Variants in SEMA5A observed in about 807,000 individuals in gnomAD.
SEMA5A encodes the protein semaphorin 5A.
A neutral mutation model predicts 135.5 loss-of-function variants in SEMA5A; 55 were observed. The ratio of observed to expected loss-of-function variants is 0.41; its 90% confidence interval spans 0.33 to 0.51. SEMA5A has a LOEUF of 0.51. Ranked by LOEUF, SEMA5A falls within the 20% of genes least tolerant of loss-of-function variation. The pLI is 0.37. For synonymous variants in SEMA5A, 580 were observed against 546.5 expected (o/e 1.06, Z -0.85); for missense variants, 1,290 against 1,419.9 (o/e 0.91, Z 1.47).
chr5:9,051,990 C>T lies in SEMA5A; in HGVS notation c.2728G>A (p.Ala910Thr). 6.2e-7 allele frequency: 1 copy of T among 1,613,552 alleles called. No individual in the cohort carries two copies. Among genetic ancestry groups the T allele is most frequent in the Non-Finnish European group, 8.5e-7 (1 of 1,179,770 alleles). The change falls in exon 20 of 23, where the codon GCC (alanine) becomes ACC (threonine). Residue 910 changes from alanine to threonine, a missense_variant. Around this residue, in one of 3 missense-constraint regions of SEMA5A, gnomAD observed 1,029 missense variants for 1,086.6 expected, o/e 0.95. Transcript: ENST00000382496. ...SEWSDWSECE[A>T]SGVQVRARQC... ...CGGGCGCGGACTTGGACGCCAGAGGCTTCACACTCAGACCAGTCCGACCAC... is the reference window on the plus strand; with the variant it reads ...CGGGCGCGGACTTGGACGCCAGAGGTTTCACACTCAGACCAGTCCGACCAC...
chr5:9,464,053 G>T (rs1174544112), intron 1 of SEMA5A, among the ~76,000 whole-genome samples: 2 of 152,068 alleles, frequency 1.3e-5, no homozygotes, highest in East Asian at 3.9e-4. Flanking sequence ...TGGGGGAGCT[G>T]GTCTGTGCAT....
chr5:9,137,054 T>C (rs563873637), intron 12 of SEMA5A, among the ~76,000 whole-genome samples: 2 of 152,312 alleles, frequency 1.3e-5, no homozygotes, highest in South Asian at 4.1e-4. Context: ...TATCATAGCA[T>C]GCAGACGCTT....
intron 5 of SEMA5A, among the ~76,000 whole-genome samples, chr5:9,309,673 G>A (rs1365329686): frequency 6.6e-6 from 1 of 152,120 alleles, no homozygotes; most frequent in Non-Finnish European, 1.5e-5. Context: ...GGAGGAATAA[G>A]TCTTCTGCAT....
At chr5:9,187,618 A>G (rs1744879079) in intron 11 of SEMA5A, among the ~76,000 whole-genome samples, 2 of 152,234 alleles carry the variant, frequency 1.3e-5, no homozygotes, top group African/African-American at 4.8e-5. Context: ...TACATATGGC[A>G]TCTTTACCCA....
At position 9,066,536 on chromosome 5, in the gene SEMA5A, T is replaced by C. The variant is rs550944934; in HGVS notation, c.2184A>G (p.Arg728=). ...GGCGGGCTTTGCATGTGTATCGGAA[T>C]CGTTGCTCATAGTGGCCGCCGTTGT... ...ISDNGGHYEQ[R]FRYTCKARLA... The change falls in exon 17 of 23, where the codon CGA becomes CGG. Residue 728 remains arginine, a synonymous_variant. Coordinates refer to ENST00000382496, the MANE Select transcript of SEMA5A (RefSeq NM_003966.3). 7 of 1,614,182 alleles carry C rather than the reference T, an allele frequency of 4.3e-6. No homozygotes were observed. In the East Asian group the frequency reaches 1.3e-4, roughly 31 times the overall value.
intron 2 of SEMA5A, among the ~76,000 whole-genome samples, chr5:9,409,997 A>G (rs964133928): frequency 6.6e-6 from 1 of 151,532 alleles, no homozygotes; most frequent in Non-Finnish European, 1.5e-5. Flanking sequence ...TGTATCTTCT[A>G]TGAAAATACC....
chr5:9,086,587 G>T (rs1202680219), intron 16 of SEMA5A, among the ~76,000 whole-genome samples: 1 of 152,114 alleles, frequency 6.6e-6, no homozygotes, highest in African/African-American at 2.4e-5. Context: ...TCTTTCTTTT[G>T]TAAATTGACC....
At chr5:9,389,187 A>T (rs775741293) in intron 2 of SEMA5A, among the ~76,000 whole-genome samples, 3 of 151,816 alleles carry the variant, frequency 2.0e-5, no homozygotes, top group Non-Finnish European at 2.9e-5. Context: ...TAACTCCCCA[A>T]TCTCTCTGTA....
At chr5:9,222,146 C>A (rs957482190) in intron 8 of SEMA5A, among the ~76,000 whole-genome samples, 16 of 152,224 alleles carry the variant, frequency 1.1e-4, no homozygotes, top group African/African-American at 3.9e-4. Context: ...GGGCATCTGG[C>A]AAAGAACAGA....
intron 1 of SEMA5A, among the ~76,000 whole-genome samples, chr5:9,530,081 G>A (rs1737357250): frequency 6.6e-6 from 1 of 152,218 alleles, no homozygotes; most frequent in South Asian, 2.1e-4. Flanking sequence ...AGGTGTGCGG[G>A]CCGCGTTAGG....
At chr5:9,491,570 A>T (rs1735006995) in intron 1 of SEMA5A, among the ~76,000 whole-genome samples, 1 of 152,180 alleles carries the variant, frequency 6.6e-6, no homozygotes, top group African/African-American at 2.4e-5. Context: ...ACAGTTTATA[A>T]CAGGCAATAA....
intron 2 of SEMA5A, 41 bp from the exon 3 acceptor site, chr5:9,380,064 C>A: frequency 7.4e-7 from 1 of 1,350,132 alleles, no homozygotes; most frequent in South Asian, 1.5e-5. Flanking sequence ...ACTGTGAGTT[C>A]GTTTTCTGGT....
Position 9,317,304 on chromosome 5 carries a change from G to C in SEMA5A, c.270+1068C>G, listed in dbSNP as rs575281555. On this transcript the variant is annotated intron_variant, in intron 5 of 22. Transcript: ENST00000382496. ...TAGAAAATTCTTGATAAATTGCAATGTTTTATCTCTTTTGAACGTCTTACT... is the reference window on the plus strand; with the variant it reads ...TAGAAAATTCTTGATAAATTGCAATCTTTTATCTCTTTTGAACGTCTTACT... 1.9e-4 allele frequency among the ~76,000 whole-genome samples: 29 copies of C among 152,142 alleles called. 1 individual carries two copies. The highest frequency in any genetic ancestry group is 1.8e-3 in the Admixed American group (27 of 15,266).
At chr5:9,540,328 G>A (rs930192419) in intron 1 of SEMA5A, among the ~76,000 whole-genome samples, 19 of 152,054 alleles carry the variant, frequency 1.2e-4, no homozygotes, top group African/African-American at 4.1e-4. Flanking sequence ...GGTGGCTCAC[G>A]CCTGTAATCC....
chr5:9,216,277 A>G (rs763587132), intron 8 of SEMA5A, among the ~76,000 whole-genome samples: 4 of 152,178 alleles, frequency 2.6e-5, no homozygotes, highest in Non-Finnish European at 4.4e-5. Context: ...TTCGATTTCC[A>G]TGTAGTTACA....
chr5:9,302,162 A>T (rs576541274), intron 5 of SEMA5A, among the ~76,000 whole-genome samples: 1 of 152,314 alleles, frequency 6.6e-6, no homozygotes, highest in African/African-American at 2.4e-5. Context: ...AGGCACCCAG[A>T]TAATCCAGAA....
At chr5:9,049,790 T>A (rs1736466451) in intron 21 of SEMA5A, among the ~76,000 whole-genome samples, 1 of 152,228 alleles carries the variant, frequency 6.6e-6, no homozygotes, top group African/African-American at 2.4e-5. Flanking sequence ...TGGGTATATG[T>A]AAGGCACAGA....
intron 1 of SEMA5A, among the ~76,000 whole-genome samples, chr5:9,477,833 A>T (rs1759727440): frequency 6.6e-6 from 1 of 152,210 alleles, no homozygotes; most frequent in Non-Finnish European, 1.5e-5. Context: ...AGTAGAAAAG[A>T]AAAAAACATT....
chr5:9,359,069 C>G, intron 3 of SEMA5A, among the ~76,000 whole-genome samples: 1 of 152,088 alleles, frequency 6.6e-6, no homozygotes, highest in East Asian at 1.9e-4. Flanking sequence ...GCCCCCAGAT[C>G]CTCAGCAGCA....
Sources: gnomAD v4.1 joint callset for allele counts (sites outside exome capture counted in the v4.1 genomes callset) on GRCh38, gnomAD v4.1.1 for gene constraint, gnomAD v4.1.1 regional missense constraint, MANE v1.5 for transcripts, NCBI Gene and HGNC (gene_info 2026-07-23, HGNC 2026-07-21) for gene names.